The following SLC14A2 variants were observed in gnomAD, a reference collection of about 807,000 sequenced individuals.
The protein encoded by SLC14A2 is urea transporter 2.
SLC14A2 carries 91 observed loss-of-function variants against 104.6 expected under a neutral mutation model. The observed-to-expected ratio is 0.87, with a 90% CI of 0.73 to 1.04. The LOEUF is 1.04. Ranked by LOEUF, SLC14A2 falls within the 50% of genes least tolerant of loss-of-function variation. SLC14A2 has a pLI of 0.00. For missense variants in SLC14A2, 1,189 were observed against 1,156.0 expected, an observed-to-expected ratio of 1.03 and a Z score of -0.41; for synonymous variants, 476 against 466.4, an observed-to-expected ratio of 1.02 and a Z score of -0.27.
chr18:45,180,539 C>A, the SLC14A2 span, among the ~76,000 whole-genome samples: 422 of 152,150 alleles, frequency 2.8e-3, 6 homozygotes, highest in Middle Eastern at 0.044. Flanking sequence ...GTCAATGTTA[C>A]AGAATTTGAG....
chr18:45,460,142 C>T lies in SLC14A2; in HGVS notation c.-124-23091C>T, dbSNP rs577810746. ...GAAGATGTGAGTGATCTATTCCATT[C>T]TCAAGCATATTCCCACCTGAAAGGA... On this transcript the variant is annotated intron_variant, in intron 1 of 20. Coordinates refer to the SLC14A2 transcript ENST00000586448. Among the ~76,000 whole-genome samples the T allele has an allele frequency of 2.0e-5, 3 of 152,336 alleles. No homozygotes were observed. In the East Asian group the frequency reaches 5.8e-4, roughly 29 times the overall value.
At chr18:45,664,342 A>C (rs976487484) in intron 11 of SLC14A2, among the ~76,000 whole-genome samples, 1 of 152,244 alleles carries the variant, frequency 6.6e-6, no homozygotes, top group African/African-American at 2.4e-5. Flanking sequence ...GCACAGGTAG[A>C]GACCCATGGT....
At chr18:45,193,890 A>C in the SLC14A2 span, among the ~76,000 whole-genome samples, 1 of 152,054 alleles carries the variant, frequency 6.6e-6, no homozygotes, top group Non-Finnish European at 1.5e-5. Context: ...AATTTCTCTC[A>C]GTACCATTTT....
intron 2 of SLC14A2, among the ~76,000 whole-genome samples, chr18:45,570,535 A>C (rs2044329494): frequency 6.6e-6 from 1 of 152,242 alleles, no homozygotes; most frequent in Admixed American, 6.5e-5. Flanking sequence ...GTACGTTGGA[A>C]TTATAAAATT....
intron 1 of SLC14A2, among the ~76,000 whole-genome samples, chr18:45,239,868 T>A (rs890345896): frequency 1.3e-5 from 2 of 152,146 alleles, no homozygotes; most frequent in African/African-American, 4.8e-5. Context: ...AATGAATGAA[T>A]CCTTGTAACA....
upstream of SLC14A2, among the ~76,000 whole-genome samples, chr18:45,208,258 T>TA (rs1483528379): frequency 6.6e-6 from 1 of 152,178 alleles, no homozygotes; most frequent in Non-Finnish European, 1.5e-5. Flanking sequence ...AAAATATATA[T>TA]TTTTTTCTCA....
intron 11 of SLC14A2, among the ~76,000 whole-genome samples, chr18:45,665,231 C>A (rs1322006973): frequency 6.6e-6 from 1 of 152,128 alleles, no homozygotes; most frequent in Non-Finnish European, 1.5e-5. Context: ...AACGGGGGAA[C>A]AGGCAATTCA....
At chr18:45,642,254 G>C (rs2045541089) in intron 8 of SLC14A2, among the ~76,000 whole-genome samples, 1 of 152,198 alleles carries the variant, frequency 6.6e-6, no homozygotes, top group Admixed American at 6.5e-5. Context: ...GACTGAGAAT[G>C]ACTTCCATAT....
intron 1 of SLC14A2, among the ~76,000 whole-genome samples, chr18:45,474,512 T>A (rs995372445): frequency 6.6e-6 from 1 of 152,152 alleles, no homozygotes; most frequent in Non-Finnish European, 1.5e-5. Flanking sequence ...GGTCCTGGGC[T>A]TTTTTTGGTT....
chr18:45,360,278 G>A (rs1474844992), intron 1 of SLC14A2, among the ~76,000 whole-genome samples: 1 of 152,214 alleles, frequency 6.6e-6, no homozygotes, highest in African/African-American at 2.4e-5. Context: ...ACGCTTCAGT[G>A]GGCAATGATG....
At chr18:45,443,172 C>T (rs527936595) in intron 1 of SLC14A2, among the ~76,000 whole-genome samples, 3 of 152,248 alleles carry the variant, frequency 2.0e-5, no homozygotes, top group South Asian at 2.1e-4. Context: ...TGAAGGTTTA[C>T]ATTCTGAAGA....
intron 1 of SLC14A2, among the ~76,000 whole-genome samples, chr18:45,616,576 A>T (rs1360296654): frequency 6.6e-6 from 1 of 152,148 alleles, no homozygotes; most frequent in African/African-American, 2.4e-5. Context: ...GTGGAGAAAA[A>T]CTGGGGAGAC....
At chr18:45,323,529 T>C (rs1301389698) in intron 1 of SLC14A2, among the ~76,000 whole-genome samples, 1 of 152,218 alleles carries the variant, frequency 6.6e-6, no homozygotes, top group African/African-American at 2.4e-5. Context: ...TCTCCTTCTT[T>C]TGATTGTGTT....
In SLC14A2 at chr18:45,314,987, T is replaced by C. The variant is rs1055623589; in HGVS notation, c.-125+101796T>C. On this transcript the variant is annotated intron_variant, in intron 1 of 20. Transcript: ENST00000586448. ...AGCTGACTACCTGGGTTGCGTGGAC[T>C]GAATGTGGCTTCGAGTTTGAGAGGA... Among the ~76,000 whole-genome samples, 4 of 152,340 alleles carry C rather than the reference T, an allele frequency of 2.6e-5. No individual in the cohort carries two copies. In the South Asian group the frequency reaches 8.3e-4, roughly 32 times the overall value.
intron 1 of SLC14A2, among the ~76,000 whole-genome samples, chr18:45,315,071 A>G (rs2085115635): frequency 6.6e-6 from 1 of 152,158 alleles, no homozygotes; most frequent in African/African-American, 2.4e-5. Flanking sequence ...CAGGTAAGAG[A>G]TGACCCCAGA....
intron 1 of SLC14A2, among the ~76,000 whole-genome samples, chr18:45,389,839 C>G (rs1187880379): frequency 6.6e-6 from 1 of 152,122 alleles, no homozygotes; most frequent in Non-Finnish European, 1.5e-5. Flanking sequence ...GGAGTAAAAA[C>G]GTTGACCCTG....
chr18:45,505,250 G>A (rs1353196586), intron 2 of SLC14A2, among the ~76,000 whole-genome samples: 4 of 152,064 alleles, frequency 2.6e-5, no homozygotes, highest in Non-Finnish European at 5.9e-5. Flanking sequence ...ACCACCAAGG[G>A]CAGACAGGGA....
intron 1 of SLC14A2, among the ~76,000 whole-genome samples, chr18:45,240,307 G>A (rs555833587): frequency 1.3e-3 from 196 of 151,966 alleles, no homozygotes; most frequent in Non-Finnish European, 2.4e-3. Context: ...ATGTTAGACA[G>A]GATGGTCTTG....
At chr18:45,465,744 A>T (rs1184254109) in intron 1 of SLC14A2, among the ~76,000 whole-genome samples, 2 of 152,072 alleles carry the variant, frequency 1.3e-5, no homozygotes, top group African/African-American at 4.8e-5. Flanking sequence ...AGCTGTGGCG[A>T]GGGGTAAGCT....
Sources: gnomAD v4.1 joint callset for allele counts (sites outside exome capture counted in the v4.1 genomes callset) on GRCh38, gnomAD v4.1.1 for gene constraint, MANE v1.5 for transcripts, NCBI Gene and HGNC (gene_info 2026-07-23, HGNC 2026-07-21) for gene names.